The following POR variants were observed in gnomAD, a reference collection of about 807,000 sequenced individuals.
The protein encoded by POR is NADPH--cytochrome P450 reductase.
A neutral mutation model predicts 84.0 loss-of-function variants in POR; 56 were observed. The observed-to-expected ratio is 0.67, with a 90% CI of 0.54 to 0.83. POR has a LOEUF of 0.83. Among genes scored for constraint, POR ranks in the 40% least tolerant of loss-of-function variants. POR has a pLI of 0.00. For missense variants in POR, 938 were observed against 944.3 expected (o/e 0.99, Z 0.09); for synonymous variants, 414 against 400.5 (o/e 1.03, Z -0.40).
chr7:75,940,732 T>A (rs535508553), intron 1 of POR, among the ~76,000 whole-genome samples: 1 of 150,826 alleles, frequency 6.6e-6, no homozygotes, highest in East Asian at 2.0e-4. Flanking sequence ...TGCTGTCAGC[T>A]GAGATTGCGC....
At chr7:75,933,263 A>G (rs1351007769) in intron 1 of POR, among the ~76,000 whole-genome samples, 1 of 151,778 alleles carries the variant, frequency 6.6e-6, no homozygotes, top group African/African-American at 2.4e-5. Context: ...TAACATATGC[A>G]TTACCTCACA....
intron 1 of POR, among the ~76,000 whole-genome samples, chr7:75,942,768 C>T (rs1323718378): frequency 6.6e-6 from 1 of 151,794 alleles, no homozygotes; most frequent in African/African-American, 2.4e-5. Context: ...ACTTGTGATT[C>T]ATACAATGTT....
chr7:75,922,830 C>T (rs1156961963), intron 1 of POR: 2 of 531,372 alleles, frequency 3.8e-6, no homozygotes. Context: ...ATCAAGGCCT[C>T]AAAGCCACCC....
rs1585130501 is a variant in POR at position 75,982,215 on chromosome 7, C to G, written c.732-9C>G. The G allele has an allele frequency of 3.1e-6, 5 of 1,605,180 alleles. No individual in the cohort carries two copies. Among genetic ancestry groups the G allele is most frequent in the Non-Finnish European group, 4.3e-6 (5 of 1,176,068 alleles). On this transcript the variant is annotated splice_polypyrimidine_tract_variant and intron_variant, in intron 7 of 15. Coordinates refer to ENST00000461988, the MANE Select transcript of POR (RefSeq NM_000941.3). ...CTTCCCGGCCTCACCCTTGGTCTCC[C>G]CTTTCCAGCATTCGCCAGTACGAGC...
chr7:75,919,382 C>CATGTGTGTGTGT (rs1554548526), intron 1 of POR, among the ~76,000 whole-genome samples: 6 of 146,432 alleles, frequency 4.1e-5, no homozygotes, highest in African/African-American at 1.5e-4. Flanking sequence ...TCTGTGCGTG[C>CATGTGTGTGTGT]GTGTGTGTGT....
At chr7:75,931,779 AAC>A (rs1168183724) in intron 1 of POR, among the ~76,000 whole-genome samples, 1 of 152,048 alleles carries the variant, frequency 6.6e-6, no homozygotes, top group East Asian at 1.9e-4. Context: ...AGCCCTCCTT[AAC>A]CACTACCAGA....
intron 9 of POR, 23 bp downstream of exon 9, chr7:75,983,659 C>G (rs372009857): frequency 2.5e-6 from 4 of 1,609,858 alleles, no homozygotes; most frequent in Non-Finnish European, 2.5e-6. Flanking sequence ...ACTGTCACCC[C>G]CTGAACCCTC....
chr7:75,984,622 C>T (rs187606640), intron 10 of POR, among the ~76,000 whole-genome samples, 155 bp from the exon 11 acceptor site: 1 of 152,284 alleles, frequency 6.6e-6, no homozygotes, highest in African/African-American at 2.4e-5. Context: ...GCCCCAGGGC[C>T]AGGGAGGCAT....
intron 2 of POR, among the ~76,000 whole-genome samples, chr7:75,960,474 G>A (rs1787888733): frequency 6.6e-6 from 1 of 152,028 alleles, no homozygotes; most frequent in Admixed American, 6.6e-5. Context: ...CACCATGCCT[G>A]GCTTATTTAT....
rs72557909 is a variant in POR at position 75,981,644 on chromosome 7, C to T, written c.731+38C>T. 2.4e-3 allele frequency: 3,731 copies of T among 1,576,782 alleles called. 8 individuals are homozygous for T. The highest frequency in any genetic ancestry group is 2.8e-3 in the Non-Finnish European group (3,273 of 1,154,520). On this transcript the variant is annotated intron_variant, in intron 7 of 15. Transcript: ENST00000461988. Reference sequence around the variant, plus strand: ...CCGCAGGTGCGGTGGGTGGCCTGGGCGGGTCCTGTGCCGAGGGCAGCCACC... The same window carrying T: ...CCGCAGGTGCGGTGGGTGGCCTGGGTGGGTCCTGTGCCGAGGGCAGCCACC...
rs1238804117 is a variant in POR at position 75,974,524 on chromosome 7, C to CTTTTTTTTTTTTT, written c.237+2071_237+2083dup. 2.5e-3 allele frequency among the ~76,000 whole-genome samples: 265 copies of CTTTTTTTTTTTTT among 107,854 alleles called. 1 individual carries two copies. The highest frequency in any genetic ancestry group is 3.9e-3 in the East Asian group (14 of 3,566). 70.8% of individuals were successfully genotyped at this position (107,854 alleles called of 152,430 possible). A position where few individuals can be genotyped will look rare whatever the true frequency, so the allele number is the denominator to read the frequency against. ...TTCGTTTCTTTTTCTTTTTTCTTTT[C>CTTTTTTTTTTTTT]TTTTTTTTTTTTTTTTTTTTGAGAC... On this transcript the variant is annotated intron_variant, in intron 3 of 15. Transcript: ENST00000461988.
At chr7:75,915,966 G>A (rs782721836) in intron 1 of POR, among the ~76,000 whole-genome samples, 1 of 152,214 alleles carries the variant, frequency 6.6e-6, no homozygotes, top group Non-Finnish European at 1.5e-5. Context: ...GTTTGGGGCT[G>A]TTTCAATGAA....
At chr7:75,963,229 A>G (rs918525046) in intron 2 of POR, among the ~76,000 whole-genome samples, 10 of 152,196 alleles carry the variant, frequency 6.6e-5, no homozygotes, top group African/African-American at 2.4e-4. Flanking sequence ...AGAGAAATAC[A>G]AATGAGACTG....
At chr7:75,970,373 T>G (rs536795097) in intron 2 of POR, among the ~76,000 whole-genome samples, 1 of 151,690 alleles carries the variant, frequency 6.6e-6, no homozygotes, top group Middle Eastern at 3.4e-3. Flanking sequence ...TGAGCTATGA[T>G]CGCACCGCAC....
In POR at chr7:75,983,850, C is replaced by CTGGA; in HGVS notation, c.1064_1066+1dup. On this transcript the variant is annotated frameshift_variant, in exon 10 of 16. Transcript: ENST00000461988. LOFTEE classifies it high-confidence loss of function. ...GGACGTCGTCATGTCCCTGAACAACCTGGATGGTGAGTGCCACAGTCAGGG... is the reference window on the plus strand; with the variant it reads ...GGACGTCGTCATGTCCCTGAACAACCTGGATGGATGGTGAGTGCCACAGTCAGGG... 6.2e-7 allele frequency: 1 copy of CTGGA among 1,605,536 alleles called. No individual in the cohort carries two copies. The highest frequency in any genetic ancestry group is 8.5e-7 in the Non-Finnish European group (1 of 1,176,274).
intron 1 of POR, among the ~76,000 whole-genome samples, chr7:75,937,303 A>G (rs554153667): frequency 1.3e-5 from 2 of 150,644 alleles, no homozygotes; most frequent in Non-Finnish European, 3.0e-5. Context: ...AAAAAAAAAA[A>G]AAAACAAAAA....
chr7:75,917,084 T>TG (rs1554548151), intron 1 of POR, among the ~76,000 whole-genome samples: 6 of 152,166 alleles, frequency 3.9e-5, no homozygotes, highest in African/African-American at 1.4e-4. Flanking sequence ...TTTTTTTTTT[T>TG]GTGAGACAGG....
At chr7:75,981,233 T>G in intron 6 of POR, 61 bp downstream of exon 6, 1 of 1,475,814 alleles carries the variant, frequency 6.8e-7, no homozygotes, top group Non-Finnish European at 9.0e-7. Context: ...CCGTGGAACG[T>G]GAGGGGCGCG....
Position 75,979,487 on chromosome 7 carries a change from G to A in POR, c.274G>A (p.Gly92Arg). Residue 92 changes from glycine to arginine, a missense_variant, in exon 4 of 16, where the codon GGG becomes AGG. Coordinates refer to ENST00000461988, the MANE Select transcript of POR (RefSeq NM_000941.3). ...CATCGTGTTCTACGGCTCCCAGACG[G>A]GGACTGCAGAGGAGTTTGCCAACCG... The A allele has an allele frequency of 6.2e-7, 1 of 1,613,500 alleles. No homozygotes were observed. Among genetic ancestry groups the A allele is most frequent in the Non-Finnish European group, 8.5e-7 (1 of 1,179,842 alleles).
Sources: allele counts gnomAD v4.1 joint callset (sites outside exome capture counted in the v4.1 genomes callset), GRCh38; gene constraint gnomAD v4.1.1; transcripts MANE v1.5; gene names NCBI Gene and HGNC (gene_info 2026-07-23, HGNC 2026-07-21).